Variants in OSBPL9 observed in about 807,000 individuals in gnomAD.
OSBPL9 encodes oxysterol binding protein like 9.
OSBPL9 carries 40 observed loss-of-function variants against 106.6 expected under a neutral mutation model. The ratio of observed to expected loss-of-function variants is 0.38; its 90% confidence interval spans 0.29 to 0.49. The LOEUF is 0.49. Ranked by LOEUF, OSBPL9 falls within the 20% of genes least tolerant of loss-of-function variation. The pLI, the probability that OSBPL9 is intolerant of heterozygous loss-of-function variation, is 0.97. For missense variants in OSBPL9, 609 were observed against 887.2 expected (o/e 0.69, Z 3.98); for synonymous variants, 269 against 295.4 (o/e 0.91, Z 0.92).
the OSBPL9 span, among the ~76,000 whole-genome samples, chr1:51,568,359 A>G: frequency 6.6e-6 from 1 of 152,188 alleles, no homozygotes; most frequent in Non-Finnish European, 1.5e-5. Flanking sequence ...ACAGTTAAGC[A>G]GGTTGCTCAA....
the OSBPL9 span, among the ~76,000 whole-genome samples, chr1:51,522,818 G>A: frequency 6.6e-6 from 1 of 152,056 alleles, no homozygotes; most frequent in Non-Finnish European, 1.5e-5. Flanking sequence ...CATGTATAAT[G>A]GCCTATCAGA....
the OSBPL9 span, among the ~76,000 whole-genome samples, chr1:51,530,741 T>G: frequency 0.021 from 3,228 of 151,824 alleles, 51 homozygotes; most frequent in Non-Finnish European, 0.031. Flanking sequence ...CTCACACCTG[T>G]AGTCCCAGTA....
intron 1 of OSBPL9, among the ~76,000 whole-genome samples, chr1:51,650,799 G>A (rs945748763): frequency 2.6e-4 from 39 of 152,116 alleles, no homozygotes; most frequent in Non-Finnish European, 1.5e-4. Flanking sequence ...TATTTGAGAT[G>A]TTACTTTGTT....
chr1:51,745,367 G>A (rs1364075668), intron 4 of OSBPL9, 169 bp from the exon 5 acceptor site: 2 of 906,340 alleles, frequency 2.2e-6, no homozygotes, highest in Admixed American at 3.3e-5. Context: ...GAAGATTGAT[G>A]TACCACTGTT....
intron 14 of OSBPL9, among the ~76,000 whole-genome samples, chr1:51,773,557 A>T (rs1259309561): frequency 1.3e-5 from 2 of 152,156 alleles, no homozygotes; most frequent in South Asian, 2.1e-4. Context: ...TAATCTTTCC[A>T]CTACTGCCTT....
rs185246252 is a variant in OSBPL9 at position 51,726,544 on chromosome 1, A to G, written c.318+12465A>G. Among the ~76,000 whole-genome samples the G allele has an allele frequency of 4.8e-4, 73 of 152,266 alleles. 3 individuals carry two copies. In the South Asian group the frequency reaches 0.012, roughly 25 times the overall value. ...AAAAATTTTTGAAAGTAGTACATGA[A>G]TTCTGTATAATTAAAATTTTCTTTT... is the stretch of plus-strand genomic sequence containing the variant. On this transcript the variant is annotated intron_variant, in intron 4 of 23. Coordinates refer to ENST00000428468, the MANE Select transcript of OSBPL9 (RefSeq NM_024586.6).
intron 2 of OSBPL9, among the ~76,000 whole-genome samples, chr1:51,602,896 G>A (rs1015732581): frequency 2.0e-5 from 3 of 152,146 alleles, no homozygotes; most frequent in Non-Finnish European, 4.4e-5. Context: ...TGGCTCACAC[G>A]TGCAATCCCA....
Position 51,712,168 on chromosome 1 carries a change from C to T in OSBPL9, c.242-1835C>T, listed in dbSNP as rs376637611. ...GACTCCGTCTGCAATCCCGGCACCT[C>T]GGGAGGCCGAGGCTGGCGGATCACT... On this transcript the variant is annotated intron_variant, in intron 3 of 23. Transcript: ENST00000428468. 1.3e-3 allele frequency among the ~76,000 whole-genome samples: 198 copies of T among 152,264 alleles called. 6 individuals are homozygous for T. In the South Asian group the frequency reaches 0.039, roughly 30 times the overall value.
intron 1 of OSBPL9, among the ~76,000 whole-genome samples, chr1:51,627,169 C>T (rs1644816017): frequency 6.6e-6 from 1 of 152,002 alleles, no homozygotes; most frequent in Admixed American, 6.6e-5. Flanking sequence ...ATGTGGGCTA[C>T]TTTTTTTATT....
intron 1 of OSBPL9, among the ~76,000 whole-genome samples, chr1:51,581,932 G>A (rs74536809): frequency 0.03 from 4,529 of 152,120 alleles, 96 homozygotes; most frequent in Non-Finnish European, 0.042. Context: ...ACTATACGAC[G>A]CTCAAGGCTC....
At chr1:51,669,570 T>C (rs1389094746) in intron 3 of OSBPL9, 58 bp downstream of exon 3, 1 of 1,533,940 alleles carries the variant, frequency 6.5e-7, no homozygotes, top group Non-Finnish European at 9.0e-7. Context: ...TTTTCTTCTC[T>C]TTTGGGTTGT....
intron 8 of OSBPL9, among the ~76,000 whole-genome samples, chr1:51,750,578 T>A (rs1265660098): frequency 2.0e-5 from 3 of 152,232 alleles, no homozygotes; most frequent in Non-Finnish European, 4.4e-5. Context: ...ATATATTTTT[T>A]AAATTTTTAC....
At chr1:51,787,631 G>C in intron 23 of OSBPL9, 84 bp from the exon 24 acceptor site, 1 of 1,587,704 alleles carries the variant, frequency 6.3e-7, no homozygotes, top group Non-Finnish European at 8.6e-7. Flanking sequence ...CTAATGGCGG[G>C]GTGGGGAGCA....
intron 1 of OSBPL9, among the ~76,000 whole-genome samples, chr1:51,637,348 G>T (rs944729385): frequency 1.3e-5 from 2 of 152,050 alleles, no homozygotes; most frequent in African/African-American, 4.8e-5. Flanking sequence ...AAATTAGCCG[G>T]GCTTGGTGGC....
intron 12 of OSBPL9, among the ~76,000 whole-genome samples, chr1:51,768,221 A>G (rs544941730): frequency 4.6e-5 from 7 of 151,738 alleles, no homozygotes; most frequent in African/African-American, 1.5e-4. Flanking sequence ...GATTACAGGC[A>G]TGAGCCACCG....
At chr1:51,728,756 T>TC (rs1014081885) in intron 4 of OSBPL9, among the ~76,000 whole-genome samples, 3 of 151,946 alleles carry the variant, frequency 2.0e-5, no homozygotes, top group South Asian at 4.2e-4. Context: ...CCTCCCTCCT[T>TC]CCCCCGCCTC....
intron 1 of OSBPL9, among the ~76,000 whole-genome samples, chr1:51,630,496 G>T (rs528631944): frequency 1.3e-5 from 2 of 151,832 alleles, no homozygotes; most frequent in African/African-American, 4.8e-5. Context: ...GCATAGAAAA[G>T]ATACAATAAA....
chr1:51,767,936 CTTTTTTT>C (rs869092922), intron 12 of OSBPL9, among the ~76,000 whole-genome samples: 48 of 65,056 alleles, frequency 7.4e-4, no homozygotes, highest in African/African-American at 6.6e-4. Context: ...TAAAGACCGT[CTTTTTTT>C]TTTTTTTTTT....
intron 3 of OSBPL9, among the ~76,000 whole-genome samples, chr1:51,676,804 A>G (rs1188214315): frequency 6.6e-6 from 1 of 152,216 alleles, no homozygotes; most frequent in Non-Finnish European, 1.5e-5. Context: ...AATTTTAAAA[A>G]ATGACAAAAA....
Sources: gnomAD v4.1 joint callset for allele counts (sites outside exome capture counted in the v4.1 genomes callset) on GRCh38, gnomAD v4.1.1 for gene constraint, MANE v1.5 for transcripts, NCBI Gene and HGNC (gene_info 2026-07-23, HGNC 2026-07-21) for gene names.